FYB1: variants seen among roughly 807,000 people sequenced by gnomAD.
FYB1 encodes the protein FYN-binding protein 1.
FYB1 carries 41 observed loss-of-function variants against 94.1 expected under a neutral mutation model. The ratio of observed to expected loss-of-function variants is 0.44; its 90% CI spans 0.34 to 0.57. FYB1 has a LOEUF of 0.57. Ranked by LOEUF, FYB1 falls within the 20% of genes least tolerant of loss-of-function variation. The pLI is 0.02. For synonymous variants in FYB1, 367 were observed against 353.2 expected (o/e 1.04, Z -0.44); for missense variants, 1,050 against 976.8 (o/e 1.07, Z -1.00).
At chr5:39,115,079 T>C (rs10040760) in intron 16 of FYB1, among the ~76,000 whole-genome samples, 7,096 of 149,494 alleles carry the variant, frequency 0.047, 617 homozygotes, top group African/African-American at 0.16. Flanking sequence ...TAAAGTAGCA[T>C]AGTAGGATGA....
intron 1 of FYB1, among the ~76,000 whole-genome samples, chr5:39,239,967 CA>C (rs1751133308): frequency 6.6e-6 from 1 of 151,914 alleles, no homozygotes; most frequent in African/African-American, 2.4e-5. Flanking sequence ...TGAGTCTGTA[CA>C]AAAACAGACA....
At chr5:39,151,088 C>G (rs1743209102) in intron 3 of FYB1, among the ~76,000 whole-genome samples, 1 of 152,140 alleles carries the variant, frequency 6.6e-6, no homozygotes, top group Non-Finnish European at 1.5e-5. Context: ...GTCTAACTCC[C>G]TTACTTCCTT....
intron 2 of FYB1, among the ~76,000 whole-genome samples, chr5:39,172,607 T>C (rs6451415): frequency 0.35 from 52,779 of 151,996 alleles, 10,448 homozygotes; most frequent in East Asian, 0.54. Context: ...CCCTCCCTCC[T>C]GTGTCTAGTG....
At chr5:39,232,551 T>A (rs557002248) in intron 1 of FYB1, among the ~76,000 whole-genome samples, 14 of 135,572 alleles carry the variant, frequency 1.0e-4, no homozygotes, top group Admixed American at 4.3e-4. Flanking sequence ...TTATTTATTT[T>A]TTATTTATTT....
intron 14 of FYB1, among the ~76,000 whole-genome samples, chr5:39,122,110 G>T (rs1740173560): frequency 1.3e-5 from 2 of 151,996 alleles, no homozygotes; most frequent in South Asian, 4.1e-4. Context: ...AAGAGAATGA[G>T]GGGAGGAAGG....
intron 2 of FYB1, among the ~76,000 whole-genome samples, chr5:39,188,838 C>T (rs1390938885): frequency 6.6e-6 from 1 of 152,078 alleles, no homozygotes; most frequent in Non-Finnish European, 1.5e-5. Flanking sequence ...CGTCTGACTA[C>T]AGTACTTTTT....
At chr5:39,139,130 A>G in intron 5 of FYB1, 103 bp downstream of exon 5, 1 of 1,170,768 alleles carries the variant, frequency 8.5e-7, no homozygotes, top group Non-Finnish European at 1.2e-6. Flanking sequence ...ATTGCTCATA[A>G]GGATTTTCAT....
At chr5:39,133,342 G>A (rs1741372088) in intron 9 of FYB1, among the ~76,000 whole-genome samples, 1 of 152,136 alleles carries the variant, frequency 6.6e-6, no homozygotes, top group South Asian at 2.1e-4. Flanking sequence ...CTAAAGTTCT[G>A]AACTGGACCA....
chr5:39,114,344 A>G (rs948305362), intron 16 of FYB1, among the ~76,000 whole-genome samples: 2 of 152,204 alleles, frequency 1.3e-5, no homozygotes, highest in Admixed American at 6.6e-5. Flanking sequence ...CCTACACAGT[A>G]GGAACTTCTA....
chr5:39,214,506 T>C (rs1322163547), intron 1 of FYB1, among the ~76,000 whole-genome samples: 1 of 152,172 alleles, frequency 6.6e-6, no homozygotes, highest in African/African-American at 2.4e-5. Flanking sequence ...TGTTGACAGA[T>C]AGAGGGATAA....
At chr5:39,130,985 A>T (rs1424891982) in intron 9 of FYB1, among the ~76,000 whole-genome samples, 2 of 152,158 alleles carry the variant, frequency 1.3e-5, no homozygotes, top group African/African-American at 4.8e-5. Context: ...AGTCACATAG[A>T]GCAATTATTG....
intron 2 of FYB1, among the ~76,000 whole-genome samples, chr5:39,200,961 C>G (rs182814830): frequency 6.6e-6 from 1 of 152,274 alleles, no homozygotes; most frequent in Admixed American, 6.5e-5. Context: ...CTCAGTACCA[C>G]ATCCAAGAGA....
intron 2 of FYB1, among the ~76,000 whole-genome samples, chr5:39,163,967 T>C (rs948581182): frequency 1.3e-5 from 2 of 152,218 alleles, no homozygotes; most frequent in African/African-American, 4.8e-5. Flanking sequence ...TTTCAATTTT[T>C]GAGGGAATAG....
intron 1 of FYB1, among the ~76,000 whole-genome samples, chr5:39,207,494 C>A (rs1470290529): frequency 2.0e-5 from 3 of 152,154 alleles, no homozygotes; most frequent in Non-Finnish European, 4.4e-5. Flanking sequence ...TTCAGAAAAT[C>A]TTTTTGAGTT....
At position 39,107,002 on chromosome 5, in the gene FYB1, A is replaced by G. The variant is rs574052486; in HGVS notation, c.*441T>C. On this transcript the variant is annotated 3_prime_UTR_variant, in exon 19 of 19. Transcript: ENST00000512982. ...ATAAGATATAACCATAAGTAGAAGTATAAACAATAATTTTTCTTCTTGTGG... is the reference window on the plus strand; with the variant it reads ...ATAAGATATAACCATAAGTAGAAGTGTAAACAATAATTTTTCTTCTTGTGG... 1 of 152,518 alleles carries G rather than the reference A, an allele frequency of 6.6e-6. No individual in the cohort carries two copies. The highest frequency in any genetic ancestry group is 6.5e-5 in the Admixed American group (1 of 15,294). 9.4% of individuals were successfully genotyped at this position (152,518 alleles called of 1,614,324 possible). A position where few individuals can be genotyped will look rare whatever the true frequency, so the allele number is the denominator to read the frequency against.
At chr5:39,145,412 T>G (rs1307106887) in intron 3 of FYB1, among the ~76,000 whole-genome samples, 1 of 152,180 alleles carries the variant, frequency 6.6e-6, no homozygotes, top group Non-Finnish European at 1.5e-5. Context: ...ATTAACCACA[T>G]TTATAAACAG....
chr5:39,255,570 A>G (rs1039127231), intron 1 of FYB1, among the ~76,000 whole-genome samples: 1 of 152,040 alleles, frequency 6.6e-6, no homozygotes, highest in South Asian at 2.1e-4. Flanking sequence ...TTATTCATTT[A>G]AATATGACCC....
intron 1 of FYB1, among the ~76,000 whole-genome samples, chr5:39,240,578 C>A (rs907824587): frequency 1.3e-5 from 2 of 152,110 alleles, no homozygotes. Flanking sequence ...AAATGCTCAA[C>A]AATACTAAGC....
chr5:39,272,385 C>G (rs1199356548), intron 1 of FYB1, among the ~76,000 whole-genome samples: 1 of 152,030 alleles, frequency 6.6e-6, no homozygotes, highest in Non-Finnish European at 1.5e-5. Flanking sequence ...CTTAATCAGC[C>G]CGGGCGCGGT....
Sources: allele counts gnomAD v4.1 joint callset (sites outside exome capture counted in the v4.1 genomes callset), GRCh38; gene constraint gnomAD v4.1.1; transcripts MANE v1.5; gene names NCBI Gene and HGNC (gene_info 2026-07-23, HGNC 2026-07-21).